The following CACNA1S variants were observed in gnomAD, a reference collection of about 807,000 sequenced individuals.
CACNA1S encodes the protein voltage-dependent L-type calcium channel subunit alpha-1S.
Under a neutral mutation model 207.4 loss-of-function variants are expected in CACNA1S, and 126 were observed. The ratio of observed to expected loss-of-function variants is 0.61; its 90% confidence interval spans 0.53 to 0.70. CACNA1S has a LOEUF of 0.70. Among genes scored for constraint, CACNA1S ranks in the 30% least tolerant of loss-of-function variants. The pLI, the probability that CACNA1S is intolerant of heterozygous loss-of-function variation, is 0.00. For synonymous variants in CACNA1S, 960 were observed against 932.7 expected, an observed-to-expected ratio of 1.03 and a Z score of -0.53; for missense variants, 2,349 against 2,422.8, an observed-to-expected ratio of 0.97 and a Z score of 0.64.
At chr1:201,048,813 A>C (rs566715957) in intron 35 of CACNA1S, 129 bp from the exon 36 acceptor site, 15 of 870,910 alleles carry the variant, frequency 1.7e-5, no homozygotes, top group Admixed American at 5.8e-5. Flanking sequence ...TGACCAGGAC[A>C]TCCTTTGTGA....
At chr1:201,102,676 G>A (rs1171619020) in intron 2 of CACNA1S, among the ~76,000 whole-genome samples, 1 of 152,204 alleles carries the variant, frequency 6.6e-6, no homozygotes, top group East Asian at 1.9e-4. Flanking sequence ...TACAGATGAG[G>A]AAGCCAAAGC....
intron 26 of CACNA1S, among the ~76,000 whole-genome samples, chr1:201,060,227 A>G (rs564352819): frequency 1.3e-4 from 20 of 152,306 alleles, no homozygotes; most frequent in Middle Eastern, 3.4e-3. Flanking sequence ...GATGCTGCTA[A>G]TTATGATATT....
At chr1:201,111,753 A>C (rs993107374) in intron 1 of CACNA1S, among the ~76,000 whole-genome samples, 2 of 151,908 alleles carry the variant, frequency 1.3e-5, no homozygotes, top group African/African-American at 4.8e-5. Flanking sequence ...TGCTTCAAAA[A>C]CCTAGTGGCA....
intron 36 of CACNA1S, among the ~76,000 whole-genome samples, chr1:201,047,989 GA>G (rs1660522226): frequency 6.6e-6 from 1 of 152,220 alleles, no homozygotes; most frequent in African/African-American, 2.4e-5. Context: ...GCTCCTTCCT[GA>G]CTTCTGGTCT....
rs147258775 is a variant in CACNA1S at position 201,080,685 on chromosome 1, C to T, written c.1393+2477G>A. Among the ~76,000 whole-genome samples the T allele has an allele frequency of 2.0e-5, 3 of 152,138 alleles. No individual in the cohort carries two copies. The East Asian group carries it at 5.8e-4, about 29-fold the overall frequency. ...GGGCTGCCAGCTTCCATTGATTGTA[C>T]CTGATGACTCTTTCTCAGGGTGGCT... On this transcript the variant is annotated intron_variant, in intron 10 of 43. Transcript: ENST00000362061.
intron 34 of CACNA1S, among the ~76,000 whole-genome samples, chr1:201,049,662 G>A (rs921091537): frequency 6.6e-6 from 1 of 152,172 alleles, no homozygotes; most frequent in African/African-American, 2.4e-5. Context: ...TTTCTTTGAT[G>A]GGCAGGCTGC....
chr1:201,047,474 C>G (rs374690439), intron 37 of CACNA1S, 51 bp downstream of exon 37: 7 of 1,478,868 alleles, frequency 4.7e-6, no homozygotes, highest in Non-Finnish European at 5.7e-6. Context: ...AAGCTCCCCA[C>G]TCCCATTCCT....
At chr1:201,093,605 A>G (rs1304214304) in intron 3 of CACNA1S, among the ~76,000 whole-genome samples, 1 of 152,246 alleles carries the variant, frequency 6.6e-6, no homozygotes, top group Non-Finnish European at 1.5e-5. Flanking sequence ...CATCCATATC[A>G]TTTCCAAATT....
chr1:201,053,454 T>G lies in CACNA1S; in HGVS notation c.3795+5A>C. On this transcript the variant is annotated splice_donor_5th_base_variant and intron_variant, in intron 30 of 43. Transcript: ENST00000362061. This position sits in a 1 kb window ranked among gnomAD's most constrained non-coding sequence, Gnocchi z 5.1. ...TACGTGCAGTTTCCAGGGTCCCTGT[T>G]GCACCTGGAAGGACTTGATGAACGT... is the stretch of plus-strand genomic sequence containing the variant. The G allele has an allele frequency of 6.2e-7, 1 of 1,614,134 alleles. No homozygotes were observed. Among genetic ancestry groups the G allele is most frequent in the Non-Finnish European group, 8.5e-7 (1 of 1,180,018 alleles).
chr1:201,046,297 T>G (rs1264348328), intron 38 of CACNA1S, among the ~76,000 whole-genome samples: 1 of 152,152 alleles, frequency 6.6e-6, no homozygotes, highest in East Asian at 1.9e-4. Context: ...TGCTCCCGCC[T>G]CAACCTCCCA....
rs765082644 is a variant in CACNA1S at position 201,062,136 on chromosome 1, C to T, written c.2907-46G>A. On this transcript the variant is annotated intron_variant, in intron 23 of 43. Coordinates refer to ENST00000362061, the MANE Select transcript of CACNA1S (RefSeq NM_000069.3). ...CACTCCACAGGGCATGGCTGGGCTG[C>T]CTTGCCCCACCCACATCCTCTGGGC... The T allele has an allele frequency of 3.1e-6, 5 of 1,600,486 alleles. No individual in the cohort carries two copies. In the African/African-American group the frequency reaches 5.4e-5, roughly 17 times the overall value.
intron 10 of CACNA1S, 138 bp downstream of exon 10, chr1:201,083,024 A>G: frequency 2.2e-6 from 2 of 910,958 alleles, no homozygotes; most frequent in South Asian, 1.4e-5. Context: ...TCCAGCACTC[A>G]TGGTCCATAA....
chr1:201,043,334 G>T lies in CACNA1S; in HGVS notation c.4995C>A (p.Asn1665Lys). The T allele has an allele frequency of 6.2e-7, 1 of 1,614,210 alleles. No homozygotes were observed. The highest frequency in any genetic ancestry group is 2.2e-5 in the East Asian group (1 of 44,888). ...PLARANTNNA[N>K]ANVAYGNSNH... ...TGCTGTTGCCATAGGCGACATTGGCGTTGGCATTGTTGGTATTGGCACGAG... is the reference window on the plus strand; with the variant it reads ...TGCTGTTGCCATAGGCGACATTGGCTTTGGCATTGTTGGTATTGGCACGAG... The change falls in exon 40 of 44, where the codon AAC (asparagine) becomes AAA (lysine). Residue 1665 changes from asparagine (N) to lysine (K), a missense_variant. Coordinates refer to ENST00000362061, the MANE Select transcript of CACNA1S (RefSeq NM_000069.3).
At position 201,049,096 on chromosome 1, in the gene CACNA1S, C is replaced by A. The variant is rs1404322742; in HGVS notation, c.4245G>T (p.Gly1415=). Residue 1415 remains glycine, a synonymous_variant, in exon 35 of 44, where the codon GGG becomes GGT. Transcript: ENST00000362061. Reference sequence around the variant, plus strand: ...TCACCACGTCCAGGTGTTTGATTCTCCCCCTGCGGGAGGACACACAGACTT... The same window carrying A: ...TCACCACGTCCAGGTGTTTGATTCTACCCCTGCGGGAGGACACACAGACTT... ...IWAEYDPEAK[G]RIKHLDVVTL... is the part of the protein sequence containing the mutation. 1 of 1,609,372 alleles carries A rather than the reference C, an allele frequency of 6.2e-7. No individual in the cohort carries two copies. Among genetic ancestry groups the A allele is most frequent in the Non-Finnish European group, 8.5e-7 (1 of 1,177,626 alleles).
At position 201,083,149 on chromosome 1, in the gene CACNA1S, C is replaced by T. The variant is rs368898958; in HGVS notation, c.1393+13G>A. 2.5e-5 allele frequency: 41 copies of T among 1,613,658 alleles called. No individual in the cohort carries two copies. Among genetic ancestry groups the T allele is most frequent in the African/African-American group, 6.7e-5 (5 of 74,940 alleles). On this transcript the variant is annotated intron_variant, in intron 10 of 43. Coordinates refer to ENST00000362061, the MANE Select transcript of CACNA1S (RefSeq NM_000069.3). ...ATGTGCCCTCCTCCCGGCTTCACTC[C>T]GTTCCGCCTCACCTTGCAAACGGGT...
In CACNA1S at chr1:201,050,968, G is replaced by T. The variant is rs1558056351; in HGVS notation, c.4113+16C>A. The T allele has an allele frequency of 6.2e-7, 1 of 1,613,886 alleles. No individual in the cohort carries two copies. The highest frequency in any genetic ancestry group is 1.7e-5 in the Admixed American group (1 of 60,024). On this transcript the variant is annotated intron_variant, in intron 33 of 43. Coordinates refer to ENST00000362061, the MANE Select transcript of CACNA1S (RefSeq NM_000069.3). ...TCAAAGCCCTCTCCCTGCCCCGCAG[G>T]CCCTCAGCATCTCACCAGGAAGGCA...
chr1:201,107,087 C>A (rs183671369), intron 2 of CACNA1S, among the ~76,000 whole-genome samples: 3 of 152,354 alleles, frequency 2.0e-5, no homozygotes, highest in Non-Finnish European at 4.4e-5. Context: ...GAAGTCAGGA[C>A]CTTTTGTGAG....
At chr1:201,101,776 G>A (rs904345313) in intron 2 of CACNA1S, among the ~76,000 whole-genome samples, 7 of 152,214 alleles carry the variant, frequency 4.6e-5, no homozygotes, top group African/African-American at 1.7e-4. Context: ...GTGGGTGTGA[G>A]GTGGCCAGCC....
chr1:201,043,604 GT>G, intron 39 of CACNA1S, 73 bp from the exon 40 acceptor site: 1 of 1,350,646 alleles, frequency 7.4e-7, no homozygotes, highest in Admixed American at 1.7e-5. Flanking sequence ...CTCTGGGACA[GT>G]GGTATTGGGA....
Sources: gnomAD v4.1 joint callset for allele counts (sites outside exome capture counted in the v4.1 genomes callset) on GRCh38, gnomAD v4.1.1 for gene constraint, Gnocchi (gnomAD v3.1) non-coding constraint, MANE v1.5 for transcripts, NCBI Gene and HGNC (gene_info 2026-07-23, HGNC 2026-07-21) for gene names.